The following EXOC2 variants were observed in gnomAD, a reference collection of about 807,000 sequenced individuals.
EXOC2 encodes the protein SEC5-like 1.
Under a neutral mutation model 131.8 loss-of-function variants are expected in EXOC2, and 70 were observed. The ratio of observed to expected loss-of-function variants is 0.53; its 90% CI spans 0.44 to 0.65. The LOEUF is 0.65. Ranked by LOEUF, EXOC2 falls within the 30% of genes least tolerant of loss-of-function variation. The pLI is 0.00. For missense variants in EXOC2, 923 were observed against 1,108.6 expected, an observed-to-expected ratio of 0.83 and a Z score of 2.38; for synonymous variants, 411 against 398.4, an observed-to-expected ratio of 1.03 and a Z score of -0.38.
chr6:555,417 A>T, intron 19 of EXOC2, 129 bp from the exon 20 acceptor site: 1 of 499,584 alleles, frequency 2.0e-6, no homozygotes, highest in Non-Finnish European at 3.6e-6. Flanking sequence ...TGTTGTGTGC[A>T]TGTATGAATA....
chr6:557,214 C>G (rs1757458436), intron 17 of EXOC2, among the ~76,000 whole-genome samples: 1 of 152,124 alleles, frequency 6.6e-6, no homozygotes, highest in Non-Finnish European at 1.5e-5. Flanking sequence ...ACAGAATTCT[C>G]ATTATGTGTA....
intron 24 of EXOC2, among the ~76,000 whole-genome samples, chr6:498,861 T>C (rs1763883646): frequency 6.6e-6 from 1 of 152,186 alleles, no homozygotes; most frequent in Non-Finnish European, 1.5e-5. Context: ...GCCTCTTTGA[T>C]CTGCCCCACT....
At chr6:532,936 C>G (rs1182720863) in intron 22 of EXOC2, among the ~76,000 whole-genome samples, 1 of 152,042 alleles carries the variant, frequency 6.6e-6, no homozygotes, top group Non-Finnish European at 1.5e-5. Flanking sequence ...GGGGAGCCCT[C>G]AGGAAACTTA....
At chr6:522,698 T>C (rs1437742374) in intron 23 of EXOC2, among the ~76,000 whole-genome samples, 1 of 151,834 alleles carries the variant, frequency 6.6e-6, no homozygotes, top group Non-Finnish European at 1.5e-5. Context: ...AGCATTGAGC[T>C]GGGCTGGGCT....
intron 12 of EXOC2, among the ~76,000 whole-genome samples, chr6:574,882 G>C (rs1758491120): frequency 6.6e-6 from 1 of 152,256 alleles, no homozygotes; most frequent in African/African-American, 2.4e-5. Flanking sequence ...CTCCCCAACA[G>C]TAGTTGGTAA....
At chr6:598,485 C>T (rs1759944539) in intron 9 of EXOC2, among the ~76,000 whole-genome samples, 1 of 152,186 alleles carries the variant, frequency 6.6e-6, no homozygotes, top group Admixed American at 6.5e-5. Flanking sequence ...AGTTGCTGAG[C>T]TTCCTTTAAA....
intron 23 of EXOC2, among the ~76,000 whole-genome samples, chr6:511,181 G>A (rs1257935473): frequency 1.3e-5 from 2 of 152,214 alleles, no homozygotes; most frequent in African/African-American, 4.8e-5. Flanking sequence ...GCAAGATGGT[G>A]CAAAATGCCA....
At chr6:656,404 C>T in intron 1 of EXOC2, 2 of 1,614,196 alleles carry the variant, frequency 1.2e-6, no homozygotes, top group Non-Finnish European at 1.7e-6. Flanking sequence ...TTTGCTTCCA[C>T]CAGCACGTGA....
intron 1 of EXOC2, chr6:656,521 A>G: frequency 6.2e-7 from 1 of 1,605,606 alleles, no homozygotes; most frequent in Non-Finnish European, 8.5e-7. Context: ...CAGTCCCGCC[A>G]CACTCTCCTG....
chr6:643,829 C>G (rs977368236), intron 1 of EXOC2, among the ~76,000 whole-genome samples: 1 of 151,932 alleles, frequency 6.6e-6, no homozygotes, highest in Non-Finnish European at 1.5e-5. Context: ...CAAAAATTAT[C>G]AATTTCAGTA....
intron 4 of EXOC2, among the ~76,000 whole-genome samples, chr6:622,433 C>T (rs966998716): frequency 6.6e-6 from 1 of 152,194 alleles, no homozygotes; most frequent in African/African-American, 2.4e-5. Flanking sequence ...CTCCCCCACG[C>T]CCATGGTGCT....
At chr6:487,550 G>C (rs746642520) in intron 27 of EXOC2, among the ~76,000 whole-genome samples, 3 of 152,072 alleles carry the variant, frequency 2.0e-5, no homozygotes, top group Non-Finnish European at 4.4e-5. Flanking sequence ...GAAACTACAG[G>C]TGCCCGCCAC....
chr6:671,974 G>A (rs909116117), intron 1 of EXOC2, among the ~76,000 whole-genome samples: 2 of 151,598 alleles, frequency 1.3e-5, no homozygotes, highest in African/African-American at 4.9e-5. Flanking sequence ...TCCAGATCTG[G>A]GACTATCATT....
chr6:588,229 G>C (rs1474988142), intron 11 of EXOC2, among the ~76,000 whole-genome samples: 1 of 152,200 alleles, frequency 6.6e-6, no homozygotes, highest in Non-Finnish European at 1.5e-5. Context: ...TACTGACAAT[G>C]ACAGAGGGAA....
chr6:632,338 T>G (rs1271790823), intron 3 of EXOC2, among the ~76,000 whole-genome samples: 1 of 152,198 alleles, frequency 6.6e-6, no homozygotes, highest in Non-Finnish European at 1.5e-5. Flanking sequence ...AGAGCATGAC[T>G]TCTCAGACCA....
In EXOC2 at chr6:497,911, A is replaced by G. The variant is rs1763835614; in HGVS notation, c.2437-422T>C. ...TAAACTCTGACAAACACCATTTCAT[A>G]TGGGGTACCCCATTCTGTATTGGAG... On this transcript the variant is annotated intron_variant, in intron 24 of 27. Transcript: ENST00000230449. Among the ~76,000 whole-genome samples the G allele has an allele frequency of 2.0e-5, 3 of 152,216 alleles. No individual in the cohort carries two copies. The South Asian group carries it at 6.2e-4, about 32-fold the overall frequency.
chr6:600,392 T>G (rs1760065247), intron 7 of EXOC2, among the ~76,000 whole-genome samples: 1 of 152,194 alleles, frequency 6.6e-6, no homozygotes, highest in Non-Finnish European at 1.5e-5. Context: ...GAAATCTGAT[T>G]AGGGTTAAAA....
intron 17 of EXOC2, among the ~76,000 whole-genome samples, 193 bp downstream of exon 17, chr6:562,591 G>A (rs960222649): frequency 2.6e-5 from 4 of 152,170 alleles, no homozygotes; most frequent in East Asian, 1.9e-4. Flanking sequence ...TAAAAGAAAC[G>A]CATTGTTCTC....
At chr6:604,319 C>T (rs142653249) in intron 7 of EXOC2, among the ~76,000 whole-genome samples, 1 of 152,178 alleles carries the variant, frequency 6.6e-6, no homozygotes, top group African/African-American at 2.4e-5. Flanking sequence ...TGTCCCTTCA[C>T]CTTTCTCACC....
Sources: allele counts gnomAD v4.1 joint callset (sites outside exome capture counted in the v4.1 genomes callset), GRCh38; gene constraint gnomAD v4.1.1; transcripts MANE v1.5; gene names NCBI Gene and HGNC (gene_info 2026-07-23, HGNC 2026-07-21).